The following MORN3 variants were observed in gnomAD, a reference collection of about 807,000 sequenced individuals.
The protein encoded by MORN3 is MORN repeat-containing protein 3.
In MORN3, 38 loss-of-function variants were observed where a neutral mutation model predicts 34.7. The ratio of observed to expected loss-of-function variants is 1.10; its 90% confidence interval spans 0.85 to 1.44. MORN3 has a LOEUF of 1.44. MORN3 is among the 40% of genes most tolerant of loss of function. The pLI is 0.00. For missense variants in MORN3, 311 were observed against 321.7 expected, an observed-to-expected ratio of 0.97 and a Z score of 0.25; for synonymous variants, 109 against 115.3, an observed-to-expected ratio of 0.95 and a Z score of 0.35.
At chr12:121,659,433 A>G in intron 1 of MORN3, 85 bp from the exon 2 acceptor site, 1 of 1,427,190 alleles carries the variant, frequency 7.0e-7, no homozygotes, top group Non-Finnish European at 9.7e-7. Context: ...AGGGGCCCCC[A>G]ACTAGACGAA....
chr12:121,665,076 A>AT (rs977019482), intron 1 of MORN3, among the ~76,000 whole-genome samples: 9 of 151,634 alleles, frequency 5.9e-5, no homozygotes, highest in African/African-American at 2.2e-4. Flanking sequence ...TTACGTGCTC[A>AT]TTTCTGTGAC....
At chr12:121,665,489 C>A (rs1174233782) in intron 1 of MORN3, among the ~76,000 whole-genome samples, 1 of 150,650 alleles carries the variant, frequency 6.6e-6, no homozygotes. Context: ...AGGTCTTGGC[C>A]GGGCGCGGTG....
intron 1 of MORN3, among the ~76,000 whole-genome samples, chr12:121,663,116 C>T (rs1043881655): frequency 6.6e-6 from 1 of 151,966 alleles, no homozygotes; most frequent in East Asian, 1.9e-4. Context: ...AATTGTTCTC[C>T]CCACACACAA....
upstream of MORN3, among the ~76,000 whole-genome samples, chr12:121,670,263 T>C (rs565429051): frequency 7.0e-4 from 107 of 151,930 alleles, no homozygotes; most frequent in Non-Finnish European, 1.2e-3. Flanking sequence ...GCAAAGAAAA[T>C]AGGCAGAGCA....
chr12:121,659,078 T>C, intron 2 of MORN3, 113 bp downstream of exon 2: 3 of 1,402,252 alleles, frequency 2.1e-6, no homozygotes, highest in Non-Finnish European at 2.9e-6. Flanking sequence ...CTCCTCCCTG[T>C]AGACCTCCCC....
intron 1 of MORN3, among the ~76,000 whole-genome samples, chr12:121,663,894 C>T (rs1893662838): frequency 6.6e-6 from 1 of 152,094 alleles, no homozygotes; most frequent in African/African-American, 2.4e-5. Flanking sequence ...TCCTGCCCCT[C>T]ACTTCCTCCT....
intron 3 of MORN3, 31 bp downstream of exon 3, chr12:121,654,243 T>TGGGGGGGGG: frequency 1.0e-6 from 1 of 956,218 alleles, no homozygotes; most frequent in East Asian, 7.4e-5. Context: ...CGTGGTCGGG[T>TGGGGGGGGG]GGGCGGGGCC....
intron 2 of MORN3, 47 bp from the exon 3 acceptor site, chr12:121,654,480 C>A: frequency 6.6e-7 from 1 of 1,514,372 alleles, no homozygotes; most frequent in Non-Finnish European, 8.9e-7. Context: ...CCAACACCAC[C>A]AGGAAAGCCC....
upstream of MORN3, among the ~76,000 whole-genome samples, chr12:121,672,271 C>A (rs1171579938): frequency 6.7e-6 from 1 of 149,602 alleles, no homozygotes; most frequent in Non-Finnish European, 1.5e-5. Flanking sequence ...CCAGCCTGGG[C>A]AACCATAGTG....
chr12:121,667,585 ACT>A (rs1200254485), intron 1 of MORN3, among the ~76,000 whole-genome samples: 2 of 149,794 alleles, frequency 1.3e-5, no homozygotes, highest in African/African-American at 4.9e-5. Context: ...CCTCTTCCTC[ACT>A]CTGTTTCACC....
At chr12:121,661,029 C>T (rs1039097886) in intron 1 of MORN3, among the ~76,000 whole-genome samples, 3 of 152,014 alleles carry the variant, frequency 2.0e-5, no homozygotes, top group Admixed American at 6.6e-5. Flanking sequence ...GTACACAGCT[C>T]GCTGCAGCCT....
chr12:121,666,952 C>CTTTTTT (rs376062157), intron 1 of MORN3, among the ~76,000 whole-genome samples: 28 of 108,140 alleles, frequency 2.6e-4, no homozygotes, highest in Non-Finnish European at 3.6e-4. Flanking sequence ...CCCACAACCT[C>CTTTTTT]TTTTTTTTTT....
chr12:121,656,139 C>T (rs1893407581), intron 2 of MORN3, among the ~76,000 whole-genome samples: 1 of 152,210 alleles, frequency 6.6e-6, no homozygotes, highest in Non-Finnish European at 1.5e-5. Flanking sequence ...CCTCAAAATC[C>T]TGATTTCCCA....
chr12:121,656,708 C>T lies in MORN3; in HGVS notation c.304-2275G>A, dbSNP rs145728725. On this transcript the variant is annotated intron_variant, in intron 2 of 5. Coordinates refer to ENST00000355329, the MANE Select transcript of MORN3 (RefSeq NM_173855.5). ...TTTTGTGTTTTTTATTTAGTAGAGA[C>T]GGGGGTTTCACCATGTTGGCCAGGC... Among the ~76,000 whole-genome samples, 457 of 151,854 alleles carry T rather than the reference C, an allele frequency of 3.0e-3. 1 individual carries two copies. Among genetic ancestry groups the T allele is most frequent in the Non-Finnish European group, 4.5e-3 (304 of 67,938 alleles).
rs1218850895 is a variant in MORN3, at chr12:121,648,867, A to G, written c.*2784T>C. On this transcript the variant is annotated 3_prime_UTR_variant, in exon 6 of 6. Coordinates refer to ENST00000355329, the MANE Select transcript of MORN3 (RefSeq NM_173855.5). The stretch of plus-strand genomic sequence containing the variant: ...TCCCCAATTCTCCCCAGAGACAACC[A>G]TCTTTGCCAGTTTATTGTGTTTAAA... The G allele has an allele frequency of 6.6e-6, 1 of 152,032 alleles. No individual in the cohort carries two copies. The highest frequency in any genetic ancestry group is 1.5e-5 in the Non-Finnish European group (1 of 68,022). The allele number at this position is 152,032 out of a possible 1,614,324, so 9.4% of individuals were successfully genotyped here.
intron 1 of MORN3, among the ~76,000 whole-genome samples, chr12:121,667,809 C>T (rs1057274648): frequency 4.6e-5 from 7 of 151,512 alleles, no homozygotes; most frequent in African/African-American, 1.2e-4. Flanking sequence ...CTGCAAGCTC[C>T]GCCTCCTGGG....
chr12:121,668,042 AT>A (rs1008438881), intron 1 of MORN3, among the ~76,000 whole-genome samples: 1 of 146,280 alleles, frequency 6.8e-6, no homozygotes, highest in African/African-American at 2.5e-5. Context: ...CCATTTTTGT[AT>A]TTTTTTAGTA....
intron 1 of MORN3, among the ~76,000 whole-genome samples, chr12:121,664,039 C>T (rs1297698154): frequency 6.6e-6 from 1 of 152,132 alleles, no homozygotes; most frequent in Admixed American, 6.6e-5. Context: ...TCAGTGCAGG[C>T]CACCTGACCC....
At chr12:121,653,024 C>A in intron 4 of MORN3, 51 bp downstream of exon 4, 1 of 1,539,488 alleles carries the variant, frequency 6.5e-7, no homozygotes, top group Non-Finnish European at 8.8e-7. Context: ...GGGATGCTGG[C>A]TTCTGTCTCT....
Sources: gnomAD v4.1 joint callset for allele counts (sites outside exome capture counted in the v4.1 genomes callset) on GRCh38, gnomAD v4.1.1 for gene constraint, MANE v1.5 for transcripts, NCBI Gene and HGNC (gene_info 2026-07-23, HGNC 2026-07-21) for gene names.